Variants in NUAK1 observed in about 807,000 individuals in gnomAD.
The protein encoded by NUAK1 is NUAK family SNF1-like kinase 1.
A neutral mutation model predicts 56.9 loss-of-function variants in NUAK1; 26 were observed. The ratio of observed to expected loss-of-function variants is 0.46; its 90% CI spans 0.33 to 0.63. The LOEUF (loss-of-function observed/expected upper bound fraction) is 0.63. NUAK1 is among the 30% of genes least tolerant of loss of function. NUAK1 has a pLI of 0.02. For synonymous variants in NUAK1, 337 were observed against 336.0 expected (o/e 1.00, Z -0.03); for missense variants, 727 against 876.1 (o/e 0.83, Z 2.15).
intron 1 of NUAK1, among the ~76,000 whole-genome samples, chr12:106,126,767 T>C (rs1249161786): frequency 6.6e-6 from 1 of 152,170 alleles, no homozygotes; most frequent in Non-Finnish European, 1.5e-5. Flanking sequence ...CTACCTGTCA[T>C]CCAGGATCAA....
At chr12:106,119,706 T>C in intron 1 of NUAK1, among the ~76,000 whole-genome samples, 1 of 152,146 alleles carries the variant, frequency 6.6e-6, no homozygotes, top group East Asian at 1.9e-4. Context: ...AAGAAGAATT[T>C]TATTTTTTAA....
chr12:106,106,763 T>TTTTTG (rs775028346), intron 1 of NUAK1, among the ~76,000 whole-genome samples: 83 of 152,316 alleles, frequency 5.4e-4, no homozygotes, highest in Admixed American at 1.4e-3. Context: ...TTTGTTTTTG[T>TTTTTG]TTTTGTTTTG....
chr12:106,136,404 A>G (rs919748101), intron 1 of NUAK1, among the ~76,000 whole-genome samples: 8 of 152,182 alleles, frequency 5.3e-5, no homozygotes, highest in Non-Finnish European at 1.2e-4. Context: ...CGGAATGTTC[A>G]GTTTCTGCAA....
At chr12:106,098,328 A>G (rs977088190) in intron 2 of NUAK1, among the ~76,000 whole-genome samples, 1 of 152,174 alleles carries the variant, frequency 6.6e-6, no homozygotes, top group African/African-American at 2.4e-5. Context: ...ATTATAACTT[A>G]TCTTCTCGTG....
intron 2 of NUAK1, among the ~76,000 whole-genome samples, chr12:106,092,059 T>G (rs2032640922): frequency 6.6e-6 from 1 of 151,698 alleles, no homozygotes; most frequent in Admixed American, 6.6e-5. Context: ...AATAAATAAA[T>G]AGGGCACCAG....
chr12:106,108,431 G>A (rs958577203), intron 1 of NUAK1, among the ~76,000 whole-genome samples: 2 of 152,200 alleles, frequency 1.3e-5, no homozygotes, highest in Admixed American at 1.3e-4. Flanking sequence ...CTTTTCAGCA[G>A]AGAGCCAGAC....
chr12:106,088,704 A>T (rs930953709), intron 2 of NUAK1, among the ~76,000 whole-genome samples: 1 of 152,214 alleles, frequency 6.6e-6, no homozygotes, highest in African/African-American at 2.4e-5. Context: ...CCTTCCCCTT[A>T]CAGCATACAC....
At chr12:106,096,377 T>A (rs2032697495) in intron 2 of NUAK1, among the ~76,000 whole-genome samples, 1 of 152,118 alleles carries the variant, frequency 6.6e-6, no homozygotes, top group Admixed American at 6.6e-5. Flanking sequence ...AATAGCTAAC[T>A]TAATAGGAAA....
intron 2 of NUAK1, among the ~76,000 whole-genome samples, chr12:106,104,558 G>T (rs1453314052): frequency 6.6e-6 from 1 of 152,198 alleles, no homozygotes; most frequent in Non-Finnish European, 1.5e-5. Flanking sequence ...TTCAGATTCA[G>T]CAGGTCCTGG....
chr12:106,084,022 G>A lies in NUAK1; in HGVS notation c.514-93C>T. 3 of 1,076,822 alleles carry A rather than the reference G, an allele frequency of 2.8e-6. No homozygotes were observed. The South Asian group carries it at 3.8e-5, about 14-fold the overall frequency. The allele number at this position is 1,076,822 out of a possible 1,614,324, so 66.7% of individuals were successfully genotyped here. On this transcript the variant is annotated intron_variant, in intron 3 of 6. Transcript: ENST00000261402. ...AGGAGGAGGGTGAGCAAAGGGAAATGTCTGACAGATTAAAGAAATGCACCA... is the reference window on the plus strand; with the variant it reads ...AGGAGGAGGGTGAGCAAAGGGAAATATCTGACAGATTAAAGAAATGCACCA...
At chr12:106,080,757 G>A (rs1022691790) in intron 4 of NUAK1, among the ~76,000 whole-genome samples, 1 of 152,160 alleles carries the variant, frequency 6.6e-6, no homozygotes. Context: ...CCCTTGAAAC[G>A]TGGAAAATGG....
At chr12:106,098,104 TCTG>T (rs1359967521) in intron 2 of NUAK1, among the ~76,000 whole-genome samples, 12 of 152,294 alleles carry the variant, frequency 7.9e-5, no homozygotes, top group African/African-American at 2.9e-4. Flanking sequence ...TGATTTCTCT[TCTG>T]CTTCTCTGGA....
At chr12:106,112,399 G>A (rs1415457450) in intron 1 of NUAK1, among the ~76,000 whole-genome samples, 1 of 151,242 alleles carries the variant, frequency 6.6e-6, no homozygotes, top group African/African-American at 2.5e-5. Flanking sequence ...TTGCCTGGGA[G>A]ATGCACAGAG....
In NUAK1 at chr12:106,081,335, C is replaced by T. The variant is rs143418015; in HGVS notation, c.579+2529G>A. ...TCTTTAAAGATGTAGGATTCTCAGA[C>T]CTAAGTAGGATTCCTTGAACAAAGA... On this transcript the variant is annotated intron_variant, in intron 4 of 6. Transcript: ENST00000261402. Among the ~76,000 whole-genome samples, 15 of 152,230 alleles carry T rather than the reference C, an allele frequency of 9.9e-5. No individual in the cohort carries two copies. The South Asian group carries it at 1.5e-3, about 15-fold the overall frequency.
chr12:106,075,911 G>T (rs886593825), intron 4 of NUAK1, among the ~76,000 whole-genome samples: 2 of 152,192 alleles, frequency 1.3e-5, no homozygotes, highest in African/African-American at 4.8e-5. Context: ...ACTTCAGAAT[G>T]CTATTTGGTT....
At chr12:106,116,035 ATATGGGT>A (rs2032913512) in intron 1 of NUAK1, among the ~76,000 whole-genome samples, 1 of 152,196 alleles carries the variant, frequency 6.6e-6, no homozygotes, top group Admixed American at 6.5e-5. Context: ...CCCTTTGCAG[ATATGGGT>A]CCCCTTTTAT....
At chr12:106,108,835 C>T (rs1444686882) in intron 1 of NUAK1, among the ~76,000 whole-genome samples, 1 of 152,116 alleles carries the variant, frequency 6.6e-6, no homozygotes, top group African/African-American at 2.4e-5. Context: ...TGCTGATTCC[C>T]CCTAACAGTC....
At chr12:106,123,099 T>C (rs1215603) in intron 1 of NUAK1, among the ~76,000 whole-genome samples, 88,157 of 152,104 alleles carry the variant, frequency 0.58, 25,689 homozygotes, top group African/African-American at 0.63. Context: ...ATTCAGGCAA[T>C]TTCATTCATT....
intron 2 of NUAK1, among the ~76,000 whole-genome samples, chr12:106,100,345 C>T (rs1327796858): frequency 6.6e-6 from 1 of 152,024 alleles, no homozygotes; most frequent in Non-Finnish European, 1.5e-5. Context: ...CTCCCAGATC[C>T]TTTGTCCCTT....
Sources: allele counts gnomAD v4.1 joint callset (sites outside exome capture counted in the v4.1 genomes callset), GRCh38; gene constraint gnomAD v4.1.1; transcripts MANE v1.5; gene names NCBI Gene and HGNC (gene_info 2026-07-23, HGNC 2026-07-21).